OVCH1: variants seen among roughly 807,000 people sequenced by gnomAD.
OVCH1 encodes the protein ovochymase-1.
Under a neutral mutation model 138.4 loss-of-function variants are expected in OVCH1, and 139 were observed. The observed-to-expected ratio is 1.00, with a 90% CI of 0.87 to 1.16. The LOEUF is 1.16. OVCH1 is among the 50% of genes most tolerant of loss of function. The pLI is 0.00. For synonymous variants in OVCH1, 453 were observed against 467.8 expected (o/e 0.97, Z 0.41); for missense variants, 1,367 against 1,357.9 (o/e 1.01, Z -0.11).
intron 19 of OVCH1, among the ~76,000 whole-genome samples, chr12:29,460,924 G>A (rs908320116): frequency 5.3e-5 from 8 of 152,304 alleles, no homozygotes; most frequent in Non-Finnish European, 1.2e-4. Context: ...AAAGGAAGGC[G>A]TTAATGACAA....
chr12:29,451,628 G>T, intron 21 of OVCH1, 59 bp from the exon 22 acceptor site: 1 of 1,348,638 alleles, frequency 7.4e-7, no homozygotes. Context: ...AGAAAAACCA[G>T]ATTCTATCAC....
intron 22 of OVCH1, 70 bp from the exon 23 acceptor site, chr12:29,445,473 C>T (rs1007978386): frequency 3.4e-5 from 49 of 1,423,360 alleles, no homozygotes; most frequent in East Asian, 2.9e-4. Context: ...TATTTTAGGC[C>T]GAGCAATTAA....
chr12:29,450,716 T>A (rs1941763954), intron 22 of OVCH1, among the ~76,000 whole-genome samples: 1 of 152,106 alleles, frequency 6.6e-6, no homozygotes, highest in African/African-American at 2.4e-5. Context: ...CACATGCACA[T>A]GTATGTTTAT....
chr12:29,480,051 T>C (rs1942880070), intron 8 of OVCH1, among the ~76,000 whole-genome samples: 1 of 152,086 alleles, frequency 6.6e-6, no homozygotes, highest in African/African-American at 2.4e-5. Context: ...CTTGAACTCC[T>C]GACCTCATGA....
intron 26 of OVCH1, among the ~76,000 whole-genome samples, chr12:29,438,782 G>A (rs1378384090): frequency 6.6e-6 from 1 of 151,910 alleles, no homozygotes; most frequent in Non-Finnish European, 1.5e-5. Flanking sequence ...TATATAATTT[G>A]TATCTATTTT....
intron 16 of OVCH1, among the ~76,000 whole-genome samples, 158 bp from the exon 17 acceptor site, chr12:29,465,377 G>C (rs925538317): frequency 6.6e-6 from 1 of 152,162 alleles, no homozygotes; most frequent in African/African-American, 2.4e-5. Context: ...TTACAATTCT[G>C]CATGGCTGGG....
chr12:29,454,633 A>G lies in OVCH1; in HGVS notation c.2530+208T>C, dbSNP rs192663998. Among the ~76,000 whole-genome samples the G allele has an allele frequency of 1.4e-4, 22 of 152,252 alleles. 1 individual carries two copies. The South Asian group carries it at 1.7e-3, about 11-fold the overall frequency. The stretch of plus-strand genomic sequence containing the variant: ...TGGTTCACAACCACAAGATTTTTTT[A>G]AAAATCTGCAACAGGTCTAGCTTTG... On this transcript the variant is annotated intron_variant, in intron 21 of 27. Transcript: ENST00000318184.
At chr12:29,496,213 A>G (rs1389024001) in exon 3 of OVCH1, 32 of 1,609,456 alleles carry the variant, frequency 2.0e-5, no homozygotes, top group Non-Finnish European at 2.5e-5. Flanking sequence ...GTGCTGCTGT[A>G]ACAACCCGAT....
intron 16 of OVCH1, among the ~76,000 whole-genome samples, chr12:29,466,934 C>A (rs1487033618): frequency 6.6e-6 from 1 of 152,124 alleles, no homozygotes; most frequent in African/African-American, 2.4e-5. Flanking sequence ...TTTCAATATA[C>A]CTTATTTAAA....
At chr12:29,478,947 C>T (rs767148024) in intron 8 of OVCH1, 3 of 1,428,964 alleles carry the variant, frequency 2.1e-6, no homozygotes, top group South Asian at 1.3e-5. Flanking sequence ...CTTCTGGTAC[C>T]ATTATTTTCC....
downstream of OVCH1, among the ~76,000 whole-genome samples, chr12:29,410,171 C>T (rs186121459): frequency 1.7e-4 from 23 of 134,144 alleles, 1 homozygote; most frequent in East Asian, 4.4e-3. Flanking sequence ...GTAGATCTTC[C>T]TCCATCCCTT....
intron 15 of OVCH1, among the ~76,000 whole-genome samples, chr12:29,472,343 CAA>C (rs1485126682): frequency 2.0e-5 from 3 of 152,144 alleles, no homozygotes; most frequent in Admixed American, 6.5e-5. Context: ...AGGAAAATTT[CAA>C]GTTTGTTAGC....
downstream of OVCH1, among the ~76,000 whole-genome samples, chr12:29,407,787 C>T (rs1448843724): frequency 4.4e-4 from 66 of 151,132 alleles, no homozygotes; most frequent in Non-Finnish European, 6.8e-4. Flanking sequence ...CTTGGCTATG[C>T]GGGCTCTTTT....
intron 22 of OVCH1, among the ~76,000 whole-genome samples, chr12:29,450,510 G>A (rs569452599): frequency 6.6e-6 from 1 of 152,250 alleles, no homozygotes; most frequent in Non-Finnish European, 1.5e-5. Flanking sequence ...AAAAAGTCAG[G>A]AAACAACAGA....
At chr12:29,496,480 TG>T in intron 2 of OVCH1, 75 bp downstream of exon 2, 1 of 1,349,380 alleles carries the variant, frequency 7.4e-7, no homozygotes, top group Non-Finnish European at 1.0e-6. Context: ...CATATCAACG[TG>T]CATTCTTGCT....
At chr12:29,445,481 T>G in intron 22 of OVCH1, 78 bp from the exon 23 acceptor site, 3 of 1,359,284 alleles carry the variant, frequency 2.2e-6, no homozygotes, top group Non-Finnish European at 3.0e-6. Context: ...GCCGAGCAAT[T>G]AATTTAACCC....
intron 4 of OVCH1, among the ~76,000 whole-genome samples, chr12:29,494,714 A>T (rs1393648876): frequency 6.6e-6 from 1 of 152,204 alleles, no homozygotes; most frequent in Non-Finnish European, 1.5e-5. Context: ...TAAGCCAAGC[A>T]GAGAAAAACA....
At position 29,476,204 on chromosome 12, in the gene OVCH1, A is replaced by G. The variant is rs1401062563; in HGVS notation, c.1471+2T>C. On this transcript the variant is annotated splice_donor_variant, in intron 13 of 27. Transcript: ENST00000318184. LOFTEE classifies it high-confidence loss of function. ...CATATTTAAAGGGTGAAGTCTACCTACCTAACTTGTGCTTTTCTTCAGAAT... is the reference window on the plus strand; with the variant it reads ...CATATTTAAAGGGTGAAGTCTACCTGCCTAACTTGTGCTTTTCTTCAGAAT... 2 of 1,608,330 alleles carry G rather than the reference A, an allele frequency of 1.2e-6. No homozygotes were observed. The highest frequency in any genetic ancestry group is 2.2e-5 in the East Asian group (1 of 44,846).
intron 25 of OVCH1, among the ~76,000 whole-genome samples, chr12:29,440,326 GTTGA>G (rs1268499819): frequency 2.0e-5 from 3 of 152,154 alleles, no homozygotes; most frequent in Non-Finnish European, 4.4e-5. Context: ...CAGATATACA[GTTGA>G]TTAACATTAT....
Sources: gnomAD v4.1 joint callset for allele counts (sites outside exome capture counted in the v4.1 genomes callset) on GRCh38, gnomAD v4.1.1 for gene constraint, MANE v1.5 for transcripts, NCBI Gene and HGNC (gene_info 2026-07-23, HGNC 2026-07-21) for gene names.